The following FHIT variants were observed in gnomAD, a reference collection of about 807,000 sequenced individuals.
FHIT encodes fragile histidine triad diadenosine triphosphatase.
A neutral mutation model predicts 17.9 loss-of-function variants in FHIT; 19 were observed. The ratio of observed to expected loss-of-function variants is 1.06; its 90% CI spans 0.74 to 1.56. FHIT has a LOEUF of 1.56. FHIT is among the 40% of genes most tolerant of loss of function. The pLI is 0.00. For synonymous variants in FHIT, 81 were observed against 69.7 expected (o/e 1.16, Z -0.81); for missense variants, 248 against 189.2 (o/e 1.31, Z -1.82).
At chr3:60,976,606 T>C (rs961061638) in intron 3 of FHIT, among the ~76,000 whole-genome samples, 1 of 152,216 alleles carries the variant, frequency 6.6e-6, no homozygotes, top group Non-Finnish European at 1.5e-5. Flanking sequence ...GTATCAACTG[T>C]TGTTTCATCA....
Position 60,791,735 on chromosome 3 carries a change from T to C in FHIT, c.-18+30184A>G, listed in dbSNP as rs539762268. 2.0e-5 allele frequency among the ~76,000 whole-genome samples: 3 copies of C among 152,262 alleles called. No homozygotes were observed. In the South Asian group the frequency reaches 6.2e-4, roughly 32 times the overall value. ...AGGTCTTCTGTCAGGTGTTAACAAA[T>C]TGTCAACTCTGAATAATGTGAGGGC... On this transcript the variant is annotated intron_variant, in intron 4 of 9. Transcript: ENST00000492590.
chr3:60,114,525 TCA>T, intron 5 of FHIT, among the ~76,000 whole-genome samples: 1 of 119,354 alleles, frequency 8.4e-6, no homozygotes, highest in South Asian at 2.9e-4. Context: ...AGACAAGGTC[TCA>T]GTCTGTTTCC....
rs192537437 is a variant in FHIT at position 61,218,724 on chromosome 3, T to C, written c.-212-18059A>G. Among the ~76,000 whole-genome samples, 69 of 152,284 alleles carry C rather than the reference T, an allele frequency of 4.5e-4. 1 individual carries two copies. The East Asian group carries it at 0.01, about 23-fold the overall frequency. ...GAGCTTTGGCCTCACCGTAATCATA[T>C]AGTGTCTTATGATAGGAACCCATGC... On this transcript the variant is annotated intron_variant, in intron 1 of 9. Coordinates refer to ENST00000492590, the MANE Select transcript of FHIT (RefSeq NM_002012.4).
At chr3:60,770,816 C>G (rs1205414729) in intron 4 of FHIT, among the ~76,000 whole-genome samples, 1 of 152,218 alleles carries the variant, frequency 6.6e-6, no homozygotes, top group Non-Finnish European at 1.5e-5. Flanking sequence ...GCTTATTTCT[C>G]TGGGTCTACA....
chr3:60,052,496 C>T (rs1701921906), intron 5 of FHIT, among the ~76,000 whole-genome samples: 1 of 152,094 alleles, frequency 6.6e-6, no homozygotes. Context: ...TACAGTTTTT[C>T]TTTTACCAGT....
rs934701895 is a variant in FHIT at position 60,904,032 on chromosome 3, G to A, written c.-110-82021C>T. Among the ~76,000 whole-genome samples, 3 of 152,154 alleles carry A rather than the reference G, an allele frequency of 2.0e-5. No homozygotes were observed. The East Asian group carries it at 5.8e-4, about 29-fold the overall frequency. On this transcript the variant is annotated intron_variant, in intron 3 of 9. Transcript: ENST00000492590. ...TTCTCATACCTGACAACCTATAAAC[G>A]AGAAAGAGTATCACTTGTTTGTCCT...
intron 8 of FHIT, among the ~76,000 whole-genome samples, chr3:59,775,985 C>T (rs567781238): frequency 1.3e-5 from 2 of 152,322 alleles, no homozygotes; most frequent in African/African-American, 4.8e-5. Context: ...TGATGGAGCA[C>T]ATTATCCCAT....
intron 4 of FHIT, among the ~76,000 whole-genome samples, chr3:60,704,691 T>G (rs903271766): frequency 1.3e-5 from 2 of 152,170 alleles, no homozygotes; most frequent in African/African-American, 4.8e-5. Flanking sequence ...TATTTGGATT[T>G]TAAATACAAA....
chr3:60,862,853 A>G (rs1363677690), intron 3 of FHIT, among the ~76,000 whole-genome samples: 3 of 140,132 alleles, frequency 2.1e-5, no homozygotes, highest in Non-Finnish European at 3.0e-5. Flanking sequence ...CTCCCTCTCA[A>G]AAAAAAAAAA....
At chr3:60,496,532 T>A (rs1471063616) in intron 5 of FHIT, among the ~76,000 whole-genome samples, 2 of 152,152 alleles carry the variant, frequency 1.3e-5, no homozygotes, top group East Asian at 3.9e-4. Flanking sequence ...TTTCACCCAA[T>A]GCTATGGAGT....
intron 5 of FHIT, among the ~76,000 whole-genome samples, chr3:60,529,045 T>A (rs1035379567): frequency 6.6e-6 from 1 of 152,220 alleles, no homozygotes; most frequent in Non-Finnish European, 1.5e-5. Context: ...AAGCCTGTAG[T>A]AGAAATCTCA....
chr3:60,977,429 G>A (rs1710307661), intron 3 of FHIT, among the ~76,000 whole-genome samples: 1 of 152,192 alleles, frequency 6.6e-6, no homozygotes, highest in Non-Finnish European at 1.5e-5. Flanking sequence ...TTGAGTGTAT[G>A]AGTGTGTGTG....
intron 2 of FHIT, among the ~76,000 whole-genome samples, chr3:61,065,390 G>T (rs1382691696): frequency 6.6e-6 from 1 of 151,986 alleles, no homozygotes; most frequent in Non-Finnish European, 1.5e-5. Flanking sequence ...ATTTCATAAT[G>T]ATCTAAGTGT....
At chr3:61,203,846 A>G (rs11923043) in intron 1 of FHIT, among the ~76,000 whole-genome samples, 2,946 of 152,350 alleles carry the variant, frequency 0.019, 88 homozygotes, top group African/African-American at 0.067. Context: ...TTCTCTGTCT[A>G]TATAAGCAAA....
chr3:61,150,610 ATAT>A (rs2037360232), intron 2 of FHIT, among the ~76,000 whole-genome samples: 1 of 152,234 alleles, frequency 6.6e-6, no homozygotes, highest in African/African-American at 2.4e-5. Flanking sequence ...AAGAAAAAAA[ATAT>A]TATTGTCTAT....
intron 1 of FHIT, among the ~76,000 whole-genome samples, chr3:61,231,722 C>T (rs1434790403): frequency 1.3e-5 from 2 of 152,120 alleles, no homozygotes; most frequent in Admixed American, 1.3e-4. Context: ...CTTCCCTTCA[C>T]AGAGAGTAAC....
intron 2 of FHIT, among the ~76,000 whole-genome samples, chr3:61,058,686 G>A (rs747859908): frequency 1.3e-5 from 2 of 152,140 alleles, no homozygotes; most frequent in Non-Finnish European, 2.9e-5. Context: ...ACAGCCTGTG[G>A]AATGTGAGTC....
chr3:61,132,201 T>C (rs957884894), intron 2 of FHIT, among the ~76,000 whole-genome samples: 2 of 152,210 alleles, frequency 1.3e-5, no homozygotes, highest in African/African-American at 2.4e-5. Flanking sequence ...GTTACTTCAC[T>C]TGATTGCTGA....
chr3:59,906,637 A>C (rs539880207), intron 8 of FHIT, among the ~76,000 whole-genome samples: 137 of 152,260 alleles, frequency 9.0e-4, no homozygotes, highest in Admixed American at 2.2e-3. Flanking sequence ...TTCCCAGCCT[A>C]TTGTTTTCGT....
Sources: allele counts gnomAD v4.1 joint callset (sites outside exome capture counted in the v4.1 genomes callset), GRCh38; gene constraint gnomAD v4.1.1; transcripts MANE v1.5; gene names NCBI Gene and HGNC (gene_info 2026-07-23, HGNC 2026-07-21).